The following CPNE8 variants were observed in gnomAD, a reference collection of about 807,000 sequenced individuals.
The protein encoded by CPNE8 is copine 8, also known as copine-8.
A neutral mutation model predicts 81.5 loss-of-function variants in CPNE8; 45 were observed. The observed-to-expected ratio is 0.55, with a 90% CI of 0.44 to 0.71. CPNE8 has a LOEUF of 0.71. Ranked by LOEUF, CPNE8 falls within the 30% of genes least tolerant of loss-of-function variation. The pLI is 0.00. For missense variants in CPNE8, 594 were observed against 672.1 expected (o/e 0.88, Z 1.28); for synonymous variants, 252 against 226.3 (o/e 1.11, Z -1.02).
chr12:38,905,600 G>C (rs1467150080), upstream of CPNE8: 11 of 1,531,526 alleles, frequency 7.2e-6, no homozygotes, highest in Non-Finnish European at 8.8e-6. Context: ...CTGAGGGCTA[G>C]CTCCCGTCAG....
intron 6 of CPNE8, among the ~76,000 whole-genome samples, chr12:38,806,349 C>G (rs1253796518): frequency 2.0e-5 from 3 of 149,368 alleles, no homozygotes; most frequent in Admixed American, 6.7e-5. Context: ...TGCAAAAATC[C>G]TCAATAAAAT....
At position 38,676,291 on chromosome 12, in the gene CPNE8, C is replaced by T. The variant is rs891657857; in HGVS notation, c.1375-517G>A. On this transcript the variant is annotated intron_variant, in intron 17 of 19. Coordinates refer to ENST00000331366, the MANE Select transcript of CPNE8 (RefSeq NM_153634.3). ...TTATCCTTTCCAAACTCTCTGCACA[C>T]ATTAATCCAGTGGGACATTCTTCGG... 24 of 984,516 alleles carry T rather than the reference C, an allele frequency of 2.4e-5. No individual in the cohort carries two copies. The African/African-American group carries it at 3.8e-4, about 16-fold the overall frequency. The allele number at this position is 984,516 out of a possible 1,614,324, so 61.0% of individuals were successfully genotyped here.
intron 4 of CPNE8, among the ~76,000 whole-genome samples, chr12:38,847,190 T>G (rs533429902): frequency 1.3e-5 from 2 of 152,036 alleles, no homozygotes; most frequent in South Asian, 4.2e-4. Context: ...TTTATTACTT[T>G]CAACAGTGAA....
At chr12:38,819,750 GA>G (rs1943083819) in intron 6 of CPNE8, among the ~76,000 whole-genome samples, 1 of 118,420 alleles carries the variant, frequency 8.4e-6, no homozygotes. Context: ...CTGGGTGACA[GA>G]GCAAGACTCC....
chr12:38,688,090 C>T (rs781698978), intron 15 of CPNE8, among the ~76,000 whole-genome samples: 14 of 152,080 alleles, frequency 9.2e-5, no homozygotes, highest in South Asian at 2.1e-4. Context: ...TATATATCTA[C>T]CTTAAGGGAA....
chr12:38,881,089 A>C (rs1236591848), intron 1 of CPNE8, among the ~76,000 whole-genome samples: 2 of 151,992 alleles, frequency 1.3e-5, no homozygotes, highest in African/African-American at 4.8e-5. Context: ...GGGCGCCTTC[A>C]TTCCCGGCTA....
chr12:38,700,979 C>G (rs1939928132), intron 14 of CPNE8, among the ~76,000 whole-genome samples: 1 of 152,126 alleles, frequency 6.6e-6, no homozygotes, highest in South Asian at 2.1e-4. Context: ...ATTACCCAGT[C>G]TTGGGTATGT....
intron 6 of CPNE8, among the ~76,000 whole-genome samples, chr12:38,792,120 A>G (rs1307340894): frequency 6.6e-6 from 1 of 151,426 alleles, no homozygotes; most frequent in Admixed American, 6.6e-5. Context: ...GTAAACATAT[A>G]TATTTACAAA....
intron 3 of CPNE8, among the ~76,000 whole-genome samples, chr12:38,852,301 C>T (rs532589624): frequency 8.0e-5 from 12 of 150,752 alleles, no homozygotes; most frequent in East Asian, 2.0e-4. Context: ...TGGTGGCAGG[C>T]GCCTGTAGCC....
intron 6 of CPNE8, among the ~76,000 whole-genome samples, chr12:38,803,412 G>C (rs1012695655): frequency 1.3e-5 from 2 of 149,858 alleles, no homozygotes; most frequent in Non-Finnish European, 3.0e-5. Context: ...AAAACCACAT[G>C]ATTATCTCAA....
chr12:38,880,152 G>C (rs983592139), intron 1 of CPNE8, among the ~76,000 whole-genome samples: 2 of 152,342 alleles, frequency 1.3e-5, no homozygotes, highest in Admixed American at 1.3e-4. Context: ...ACAGAGACCA[G>C]TATCTCTGAA....
chr12:38,869,863 A>C (rs568824136), intron 3 of CPNE8, among the ~76,000 whole-genome samples: 1 of 152,332 alleles, frequency 6.6e-6, no homozygotes, highest in East Asian at 1.9e-4. Flanking sequence ...CTCCTTCAAA[A>C]ATAAAAAATA....
At chr12:38,788,932 C>T (rs1366922049) in intron 6 of CPNE8, among the ~76,000 whole-genome samples, 1 of 151,578 alleles carries the variant, frequency 6.6e-6, no homozygotes, top group Non-Finnish European at 1.5e-5. Context: ...CTATAGAACA[C>T]TGATGAAAGA....
chr12:38,702,248 G>A (rs558236237), intron 14 of CPNE8, among the ~76,000 whole-genome samples: 1 of 152,080 alleles, frequency 6.6e-6, no homozygotes, highest in Non-Finnish European at 1.5e-5. Context: ...TGATTGTTCT[G>A]TTTGAAATAA....
intron 6 of CPNE8, among the ~76,000 whole-genome samples, chr12:38,788,065 A>T (rs1003564424): frequency 4.6e-5 from 7 of 151,766 alleles, no homozygotes; most frequent in African/African-American, 7.2e-5. Context: ...TCTTATTCGA[A>T]ATATTTTTAA....
intron 6 of CPNE8, among the ~76,000 whole-genome samples, chr12:38,795,446 C>A (rs1363006374): frequency 6.6e-6 from 1 of 152,072 alleles, no homozygotes; most frequent in Non-Finnish European, 1.5e-5. Context: ...CGGCACTATT[C>A]ACAATATCTA....
In CPNE8 at chr12:38,889,566, T is replaced by C. The variant is rs150915831; in HGVS notation, c.99-15055A>G. On this transcript the variant is annotated intron_variant, in intron 1 of 19. Coordinates refer to ENST00000331366, the MANE Select transcript of CPNE8 (RefSeq NM_153634.3). Reference sequence around the variant, plus strand: ...AAAATTTAAGTCAGGGTTTGGAAGATCCTGATGACTCATTATACAGGCAAC... The same window carrying C: ...AAAATTTAAGTCAGGGTTTGGAAGACCCTGATGACTCATTATACAGGCAAC... Among the ~76,000 whole-genome samples, 70 of 152,262 alleles carry C rather than the reference T, an allele frequency of 4.6e-4. No homozygotes were observed. In the East Asian group the frequency reaches 0.01, roughly 23 times the overall value.
At chr12:38,845,219 T>A (rs1943537896) in intron 4 of CPNE8, among the ~76,000 whole-genome samples, 1 of 152,124 alleles carries the variant, frequency 6.6e-6, no homozygotes, top group Non-Finnish European at 1.5e-5. Flanking sequence ...ACAACCAGCA[T>A]CAATAAAGTT....
Position 38,776,229 on chromosome 12 carries a change from T to C in CPNE8, c.471+9A>G, listed in dbSNP as rs968917369. On this transcript the variant is annotated intron_variant, in intron 7 of 19. Coordinates refer to ENST00000331366, the MANE Select transcript of CPNE8 (RefSeq NM_153634.3). ...AAGTATTTTCTAAACCAAAGAAATA[T>C]TTACTTACCCTGCAACAGTTTAATT... 2 of 1,485,026 alleles carry C rather than the reference T, an allele frequency of 1.3e-6. No homozygotes were observed. The highest frequency in any genetic ancestry group is 2.3e-5 in the East Asian group (1 of 43,580). The allele number at this position is 1,485,026 out of a possible 1,614,324, so 92.0% of individuals were successfully genotyped here. A position where few individuals can be genotyped will look rare whatever the true frequency, so the allele number is the denominator to read the frequency against.
Sources: gnomAD v4.1 joint callset for allele counts (sites outside exome capture counted in the v4.1 genomes callset) on GRCh38, gnomAD v4.1.1 for gene constraint, MANE v1.5 for transcripts, NCBI Gene and HGNC (gene_info 2026-07-23, HGNC 2026-07-21) for gene names.